The following NUP188 variants were observed in gnomAD, a reference collection of about 807,000 sequenced individuals.
NUP188 encodes the protein nucleoporin 188.
In NUP188, 97 loss-of-function variants were observed where a neutral mutation model predicts 223.0. The ratio of observed to expected loss-of-function variants is 0.43; its 90% CI spans 0.37 to 0.51. NUP188 has a LOEUF of 0.51. Among genes scored for constraint, NUP188 ranks in the 20% least tolerant of loss-of-function variants. The pLI is 0.00. For synonymous variants in NUP188, 869 were observed against 828.0 expected (o/e 1.05, Z -0.85); for missense variants, 1,947 against 2,175.6 (o/e 0.89, Z 2.09).
At chr9:128,999,511 G>C (rs963642954) in intron 33 of NUP188, 113 bp from the exon 34 acceptor site, 2 of 1,229,752 alleles carry the variant, frequency 1.6e-6, no homozygotes, top group East Asian at 2.5e-5. Context: ...GACAGATGCT[G>C]TCCCTCCTAG....
Position 128,990,326 on chromosome 9 carries a change from C to T in NUP188, c.2640+100C>T. ...CAGGCCACGTGCAGCGGCTTAACGC[C>T]TGTATATAATTCCAGCACTTTGGGA... is the stretch of plus-strand genomic sequence containing the variant. On this transcript the variant is annotated intron_variant, in intron 25 of 43. Coordinates refer to ENST00000372577, the MANE Select transcript of NUP188 (RefSeq NM_015354.3). The T allele has an allele frequency of 8.6e-6, 8 of 935,466 alleles. No homozygotes were observed. The South Asian group carries it at 1.1e-4, about 12-fold the overall frequency. 57.9% of individuals were successfully genotyped at this position (935,466 alleles called of 1,614,324 possible). A position where few individuals can be genotyped will look rare whatever the true frequency, so the allele number is the denominator to read the frequency against.
At chr9:129,004,974 A>AG in intron 38 of NUP188, 173 bp from the exon 39 acceptor site, 1 of 629,506 alleles carries the variant, frequency 1.6e-6, no homozygotes, top group East Asian at 2.6e-5. Context: ...GAGGGAGAGA[A>AG]GGGGAGCATG....
intron 20 of NUP188, among the ~76,000 whole-genome samples, chr9:128,986,139 A>G (rs1842330459): frequency 6.6e-6 from 1 of 152,204 alleles, no homozygotes; most frequent in Non-Finnish European, 1.5e-5. Context: ...TACAGTTAAC[A>G]GATATCATTG....
chr9:129,001,502 C>A (rs748981234), intron 34 of NUP188, 27 bp from the exon 35 acceptor site: 2 of 1,605,028 alleles, frequency 1.2e-6, no homozygotes, highest in Non-Finnish European at 8.5e-7. Flanking sequence ...CTTCTTCCCC[C>A]TTTTACTCAT....
At position 129,001,503 on chromosome 9, in the gene NUP188, T is replaced by C. The variant is rs536193216; in HGVS notation, c.3844-26T>C. The C allele has an allele frequency of 2.7e-4, 427 of 1,603,132 alleles. 1 individual carries two copies. The South Asian group carries it at 4.2e-3, about 16-fold the overall frequency. On this transcript the variant is annotated intron_variant, in intron 34 of 43. Transcript: ENST00000372577. ...TTCCTCCTCCTCTTCTTCTTCCCCC[T>C]TTTACTCATCTTTGCCTCTGGGCAG...
intron 1 of NUP188, 138 bp downstream of exon 1, chr9:128,947,889 G>C: frequency 2.5e-6 from 2 of 797,244 alleles, no homozygotes; most frequent in Middle Eastern, 3.1e-4. Flanking sequence ...CACCGAGACG[G>C]GAGGCGGTTA....
intron 20 of NUP188, 82 bp from the exon 21 acceptor site, chr9:128,986,476 A>G (rs1335001335): frequency 8.6e-5 from 124 of 1,437,076 alleles, no homozygotes; most frequent in Non-Finnish European, 1.0e-4. Flanking sequence ...GGACCTATCT[A>G]TGGTTTTGGA....
chr9:128,998,997 C>T (rs905927933), intron 32 of NUP188, among the ~76,000 whole-genome samples, 175 bp from the exon 33 acceptor site: 3 of 151,894 alleles, frequency 2.0e-5, no homozygotes, highest in Non-Finnish European at 4.4e-5. Flanking sequence ...GCTGGGATTA[C>T]GGGTGCGCGC....
At chr9:129,005,557 A>G (rs759187243) in intron 40 of NUP188, 27 bp downstream of exon 40, 2 of 1,609,676 alleles carry the variant, frequency 1.2e-6, no homozygotes, top group Non-Finnish European at 1.7e-6. Flanking sequence ...GTTCAGCACC[A>G]CCTCCCCTAA....
At chr9:128,970,614 TG>T in intron 10 of NUP188, 143 bp from the exon 11 acceptor site, 2 of 660,880 alleles carry the variant, frequency 3.0e-6, no homozygotes, top group East Asian at 5.5e-5. Flanking sequence ...GTGAGGTGAC[TG>T]GGGGTTTGAG....
At chr9:128,970,999 G>A (rs766250443) in intron 11 of NUP188, 41 bp downstream of exon 11, 6 of 1,453,354 alleles carry the variant, frequency 4.1e-6, no homozygotes, top group Admixed American at 1.7e-5. Context: ...GGAGTGAGCC[G>A]GCAGAAGCAT....
chr9:128,957,080 C>T, intron 5 of NUP188, 48 bp downstream of exon 5: 1 of 1,355,486 alleles, frequency 7.4e-7, no homozygotes, highest in Non-Finnish European at 1.0e-6. Context: ...TCCTTTTTCC[C>T]TGTTGGTTTT....
At chr9:128,968,415 G>T in intron 8 of NUP188, 91 bp from the exon 9 acceptor site, 2 of 965,828 alleles carry the variant, frequency 2.1e-6, no homozygotes, top group Admixed American at 2.1e-5. Flanking sequence ...CTGGGTGACA[G>T]ATTGAGACCC....
chr9:129,004,409 T>C (rs563218076), intron 38 of NUP188: 3 of 152,312 alleles, frequency 2.0e-5, no homozygotes, highest in East Asian at 1.9e-4. Flanking sequence ...GCTTCTCTTA[T>C]CTGCTGGTTG....
intron 8 of NUP188, among the ~76,000 whole-genome samples, chr9:128,962,468 G>A (rs1841969503): frequency 6.6e-6 from 1 of 151,878 alleles, no homozygotes. Flanking sequence ...CCAGGATGGT[G>A]TTGGTCTCCT....
chr9:128,970,238 T>G (rs1473920093), intron 10 of NUP188, among the ~76,000 whole-genome samples: 3 of 152,142 alleles, frequency 2.0e-5, no homozygotes, highest in Non-Finnish European at 4.4e-5. Context: ...TCTACAATGT[T>G]AAACAGTTGA....
At chr9:128,952,886 A>G in intron 3 of NUP188, 40 bp downstream of exon 3, 1 of 1,497,178 alleles carries the variant, frequency 6.7e-7, no homozygotes, top group Non-Finnish European at 9.3e-7. Context: ...TAATTGTCCT[A>G]AGGAAGCTGA....
At chr9:128,983,088 A>T (rs1258530347) in intron 17 of NUP188, 60 bp downstream of exon 17, 1 of 1,600,514 alleles carries the variant, frequency 6.2e-7, no homozygotes, top group Non-Finnish European at 8.5e-7. Flanking sequence ...TTGTGCCCTC[A>T]GTTTGCAGGA....
Position 128,999,744 on chromosome 9 carries a change from A to G in NUP188, c.3782A>G (p.Asp1261Gly). 1.2e-6 allele frequency: 2 copies of G among 1,614,228 alleles called. No individual in the cohort carries two copies. Among genetic ancestry groups the G allele is most frequent in the Non-Finnish European group, 1.7e-6 (2 of 1,180,038 alleles). The change falls in exon 34 of 44, where the codon GAC (aspartate) becomes GGC (glycine). Residue 1261 changes from aspartate (D) to glycine (G), a missense_variant. Coordinates refer to ENST00000372577, the MANE Select transcript of NUP188 (RefSeq NM_015354.3). Reference sequence around the variant, plus strand: ...CTGGCATTAGGCAGTGCCACAGAGGACAAGGACAGCATGGAGACTGACGAC... The same window carrying G: ...CTGGCATTAGGCAGTGCCACAGAGGGCAAGGACAGCATGGAGACTGACGAC... ...HSLALGSATE[D>G]KDSMETDDCS... is the part of the protein sequence containing the mutation.
Sources: allele counts gnomAD v4.1 joint callset (sites outside exome capture counted in the v4.1 genomes callset), GRCh38; gene constraint gnomAD v4.1.1; transcripts MANE v1.5; gene names NCBI Gene and HGNC (gene_info 2026-07-23, HGNC 2026-07-21).